Variants in MROH6 observed in about 807,000 individuals in gnomAD.
MROH6 encodes the protein maestro heat-like repeat-containing protein family member 6.
Under a neutral mutation model 67.7 loss-of-function variants are expected in MROH6, and 62 were observed. That is an observed-to-expected ratio of 0.92 (90% CI 0.75 to 1.13). The LOEUF (loss-of-function observed/expected upper bound fraction) is 1.13. MROH6 is among the 50% of genes most tolerant of loss of function. MROH6 has a pLI of 0.00. For missense variants in MROH6, 1,175 were observed against 1,029.1 expected (o/e 1.14, Z -1.94); for synonymous variants, 566 against 470.8 (o/e 1.20, Z -2.62).
Position 143,572,051 on chromosome 8 carries a change from G to T in MROH6, c.429C>A (p.Gly143=), listed in dbSNP as rs540910311. ...LTLSSALEAR[G]ERLEDQVHAL... ...GGCTGACCTGGTCCTCCAACCGCTC[G>T]CCCCGGGCCTCCAGGGCTGAGGACA... Residue 143 remains glycine (G), a synonymous_variant, in exon 2 of 14, where the codon GGC becomes GGA. Transcript: ENST00000398882. 6.2e-6 allele frequency: 10 copies of T among 1,611,688 alleles called. No individual in the cohort carries two copies. The Middle Eastern group carries it at 5.0e-4, about 80-fold the overall frequency.
chr8:143,566,823 CG>C lies in MROH6; in HGVS notation c.*415del. 1 of 159,436 alleles carries C rather than the reference CG, an allele frequency of 6.3e-6. No individual in the cohort carries two copies. The highest frequency in any genetic ancestry group is 1.4e-5 in the Non-Finnish European group (1 of 72,972). 9.9% of individuals were successfully genotyped at this position (159,436 alleles called of 1,614,324 possible). A position where few individuals can be genotyped will look rare whatever the true frequency, so the allele number is the denominator to read the frequency against. ...AGGGAATGGGGTGAGGGATGAGGAT[CG>C]GGGGTGCAGCTGCAGGGCTGGCCAA... On this transcript the variant is annotated 3_prime_UTR_variant, in exon 14 of 14. Transcript: ENST00000398882.
At chr8:143,570,686 G>C (rs1327996260) in intron 4 of MROH6, 29 bp from the exon 5 acceptor site, 2 of 1,573,380 alleles carry the variant, frequency 1.3e-6, no homozygotes, top group Admixed American at 1.7e-5. Flanking sequence ...ACTCAGGCCT[G>C]GGGCACGCCT....
chr8:143,571,024 CAA>C lies in MROH6; in HGVS notation c.603-32_603-31del, dbSNP rs1045337124. 40 of 1,537,226 alleles carry C rather than the reference CAA, an allele frequency of 2.6e-5. No homozygotes were observed. In the African/African-American group the frequency reaches 3.9e-4, roughly 15 times the overall value. On this transcript the variant is annotated intron_variant, in intron 3 of 13. Coordinates refer to ENST00000398882, the MANE Select transcript of MROH6 (RefSeq NM_001100878.2). ...GGGTTTGGAGGGGGCTGGTGTGAGA[CAA>C]GAGATGGGTGGGTGTCCAGGGAATG... is the stretch of plus-strand genomic sequence containing the variant.
At chr8:143,570,189 G>T in intron 6 of MROH6, 54 bp downstream of exon 6, 1 of 1,557,752 alleles carries the variant, frequency 6.4e-7, no homozygotes. Context: ...CACCTGGCCA[G>T]CAACGACTCT....
At chr8:143,568,351 G>A in intron 10 of MROH6, 90 bp from the exon 11 acceptor site, 1 of 1,503,610 alleles carries the variant, frequency 6.7e-7, no homozygotes, top group Non-Finnish European at 8.9e-7. Context: ...GGCATCGGGT[G>A]AGGGGCAGAA....
At chr8:143,569,416 A>T (rs751435395) in intron 9 of MROH6, 25 bp downstream of exon 9, 1 of 1,395,956 alleles carries the variant, frequency 7.2e-7, no homozygotes, top group Non-Finnish European at 9.2e-7. Flanking sequence ...CAGGGGCGGG[A>T]CCCGGAGGCG....
intron 4 of MROH6, 95 bp downstream of exon 4, chr8:143,570,782 G>A: frequency 7.1e-7 from 1 of 1,406,266 alleles, no homozygotes; most frequent in Non-Finnish European, 9.6e-7. Flanking sequence ...TCCAGGAGCA[G>A]TTACCTAGGT....
At chr8:143,570,823 C>T in intron 4 of MROH6, 54 bp downstream of exon 4, 1 of 1,346,418 alleles carries the variant, frequency 7.4e-7, no homozygotes, top group Non-Finnish European at 1.0e-6. Flanking sequence ...CTCCCCGCTC[C>T]TCGCCACCCC....
chr8:143,568,634 C>T lies in MROH6; in HGVS notation c.1562G>A (p.Arg521His), dbSNP rs1442835067. The T allele has an allele frequency of 1.4e-5, 21 of 1,537,230 alleles. No individual in the cohort carries two copies. Among genetic ancestry groups the T allele is most frequent in the Non-Finnish European group, 1.7e-5 (19 of 1,147,390 alleles). ...RGRGGLRLGL[R>H]GPLRKLVLQS... Reference sequence around the variant, plus strand: ...CAGCACCAGCTTCCGCAGGGGGCCGCGGAGCCCCAGCCGGAGCCCGCCCCG... The same window carrying T: ...CAGCACCAGCTTCCGCAGGGGGCCGTGGAGCCCCAGCCGGAGCCCGCCCCG... The change falls in exon 10 of 14, where the codon CGC becomes CAC. Residue 521 changes from arginine (R) to histidine (H), a missense_variant. Transcript: ENST00000398882.
Position 143,570,067 on chromosome 8 carries a change from T to TG in MROH6, c.1044-3dup, listed in dbSNP as rs759640984. ...TGGTCGGCATGTGCCACCATAGCACTGGGGTGGGTGGAAATGGGAGCTCTC... is the reference window on the plus strand; with the variant it reads ...TGGTCGGCATGTGCCACCATAGCACTGGGGGTGGGTGGAAATGGGAGCTCTC... On this transcript the variant is annotated splice_region_variant and splice_polypyrimidine_tract_variant and intron_variant, in intron 6 of 13. Coordinates refer to ENST00000398882, the MANE Select transcript of MROH6 (RefSeq NM_001100878.2). 6.2e-7 allele frequency: 1 copy of TG among 1,608,350 alleles called. No homozygotes were observed. Among genetic ancestry groups the TG allele is most frequent in the Non-Finnish European group, 8.5e-7 (1 of 1,178,518 alleles).
rs1252302149 is a variant in MROH6 at position 143,568,637 on chromosome 8, A to AGCCCCAGCCGGAGCCC, written c.1543_1558dup (p.Leu520ArgfsTer27). 3.3e-6 allele frequency: 5 copies of AGCCCCAGCCGGAGCCC among 1,535,816 alleles called. No homozygotes were observed. The highest frequency in any genetic ancestry group is 3.9e-5 in the Admixed American group (2 of 50,894). ...CACCAGCTTCCGCAGGGGGCCGCGG[A>AGCCCCAGCCGGAGCCC]GCCCCAGCCGGAGCCCGCCCCGGCC... is the stretch of plus-strand genomic sequence containing the variant. On this transcript the variant is annotated frameshift_variant, in exon 10 of 14. Transcript: ENST00000398882. LOFTEE classifies it high-confidence loss of function.
intron 11 of MROH6, 112 bp downstream of exon 11, chr8:143,568,030 A>G (rs1823732005): frequency 5.4e-6 from 8 of 1,477,916 alleles, no homozygotes; most frequent in African/African-American, 1.4e-5. Context: ...TTGCCCCACC[A>G]GTAGCCTATC....
At position 143,567,016 on chromosome 8, in the gene MROH6, G is replaced by T; in HGVS notation, c.*223C>A. 1 of 346,322 alleles carries T rather than the reference G, an allele frequency of 2.9e-6. No homozygotes were observed. The highest frequency in any genetic ancestry group is 4.2e-5 in the East Asian group (1 of 23,628). 21.5% of individuals were successfully genotyped at this position (346,322 alleles called of 1,614,324 possible). A position where few individuals can be genotyped will look rare whatever the true frequency, so the allele number is the denominator to read the frequency against. On this transcript the variant is annotated 3_prime_UTR_variant, in exon 14 of 14. Transcript: ENST00000398882. ...GGCATGGGGCATGCTCCAGGGGGCT[G>T]TGAGAACAAGAGCCCTGACGGGGAC...
At chr8:143,572,215 T>G (rs2130669937) in intron 1 of MROH6, 30 bp from the exon 2 acceptor site, 7 of 1,608,844 alleles carry the variant, frequency 4.4e-6, no homozygotes, top group Non-Finnish European at 5.1e-6. Flanking sequence ...GCGTCTGAAG[T>G]GCCCAAACCT....
At position 143,569,786 on chromosome 8, in the gene MROH6, G is replaced by T; in HGVS notation, c.1213C>A (p.Arg405=). Residue 405 remains arginine (R), a synonymous_variant, in exon 8 of 14, where the codon CGA becomes AGA. Coordinates refer to ENST00000398882, the MANE Select transcript of MROH6 (RefSeq NM_001100878.2). ...RLLREEVILE[R]LLTWQGDPEP... is the part of the protein sequence containing the mutation. ...GGGTCTCCCTGCCAGGTGAGGAGTC[G>T]CTCCAGGATGACCTCCTCCCGCAGG... 1 of 1,612,406 alleles carries T rather than the reference G, an allele frequency of 6.2e-7. No individual in the cohort carries two copies. Among genetic ancestry groups the T allele is most frequent in the South Asian group, 1.1e-5 (1 of 90,990 alleles).
chr8:143,567,268 A>G lies in MROH6; in HGVS notation c.2131T>C (p.Trp711Arg), dbSNP rs1450783588. 1.8e-5 allele frequency: 22 copies of G among 1,222,052 alleles called. No homozygotes were observed. Among genetic ancestry groups the G allele is most frequent in the African/African-American group, 4.7e-5 (3 of 63,766 alleles). 75.7% of individuals were successfully genotyped at this position (1,222,052 alleles called of 1,614,324 possible). A position where few individuals can be genotyped will look rare whatever the true frequency, so the allele number is the denominator to read the frequency against. ...GCTCGGCGGGGTCCGGAGCAGCCCC[A>G]GCGGCCCGCGACGCTCCGGCGCTGG... ...PFQRRSVAGR[W>R]GCSGPRRA The change falls in exon 14 of 14, where the codon TGG (tryptophan) becomes CGG (arginine). Residue 711 changes from tryptophan to arginine, a missense_variant. Coordinates refer to ENST00000398882, the MANE Select transcript of MROH6 (RefSeq NM_001100878.2).
At chr8:143,571,995 G>C in intron 2 of MROH6, 38 bp downstream of exon 2, 1 of 1,582,720 alleles carries the variant, frequency 6.3e-7, no homozygotes, top group Non-Finnish European at 8.6e-7. Flanking sequence ...GCCCGAACCG[G>C]CAGGATTCTG....
chr8:143,570,737 C>T, intron 4 of MROH6, 80 bp from the exon 5 acceptor site: 1 of 1,486,860 alleles, frequency 6.7e-7, no homozygotes, highest in Non-Finnish European at 9.0e-7. Context: ...GTGCTGTCAA[C>T]AGGATGGGGA....
chr8:143,570,174 C>T, intron 6 of MROH6, 69 bp downstream of exon 6: 4 of 1,559,246 alleles, frequency 2.6e-6, no homozygotes, highest in Non-Finnish European at 3.5e-6. Flanking sequence ...TGTCCCCCTG[C>T]CCAGCACCTG....
Sources: allele counts gnomAD v4.1 joint callset, GRCh38; gene constraint gnomAD v4.1.1; transcripts MANE v1.5; gene names NCBI Gene and HGNC (gene_info 2026-07-23, HGNC 2026-07-21).